The following SLC2A9 variants were observed in gnomAD, a reference collection of about 807,000 sequenced individuals.
The protein encoded by SLC2A9 is solute carrier family 2 member 9.
SLC2A9 carries 39 observed loss-of-function variants against 50.6 expected under a neutral mutation model. That is an observed-to-expected ratio of 0.77 (90% CI 0.60 to 1.01). SLC2A9 has a LOEUF of 1.01. Among genes scored for constraint, SLC2A9 ranks in the 50% least tolerant of loss-of-function variants. The pLI is 0.00. For synonymous variants in SLC2A9, 324 were observed against 276.9 expected (o/e 1.17, Z -1.69); for missense variants, 686 against 677.6 (o/e 1.01, Z -0.14).
chr4:9,843,151 G>C (rs1033394468), intron 10 of SLC2A9, among the ~76,000 whole-genome samples: 26 of 152,090 alleles, frequency 1.7e-4, no homozygotes, highest in African/African-American at 6.0e-4. Flanking sequence ...AGCTGGGGAA[G>C]TCCTCAAGCA....
intron 5 of SLC2A9, among the ~76,000 whole-genome samples, chr4:9,950,776 T>C (rs191894083): frequency 0.57 from 33,522 of 58,630 alleles, 13,522 homozygotes; most frequent in African/African-American, 0.87. Context: ...GCCTGTAGTC[T>C]CAGCTACTCG....
chr4:9,845,240 C>T (rs1282892814), intron 10 of SLC2A9, among the ~76,000 whole-genome samples: 2 of 151,834 alleles, frequency 1.3e-5, no homozygotes, highest in Non-Finnish European at 2.9e-5. Context: ...GTCTTGATCT[C>T]CTGACCTCGT....
chr4:10,025,232 A>G (rs1379589640), upstream of SLC2A9, among the ~76,000 whole-genome samples: 1 of 152,208 alleles, frequency 6.6e-6, no homozygotes, highest in Non-Finnish European at 1.5e-5. Context: ...CAGATAATCC[A>G]AGGTTTAAGA....
At chr4:9,773,784 C>T (rs1717156283) in intron 1 of SLC2A9, among the ~76,000 whole-genome samples, 1 of 152,168 alleles carries the variant, frequency 6.6e-6, no homozygotes, top group Admixed American at 6.5e-5. Flanking sequence ...TTCTGCTCAA[C>T]TCTTTGTGGG....
intron 6 of SLC2A9, among the ~76,000 whole-genome samples, chr4:9,933,933 C>T (rs976272197): frequency 1.3e-5 from 2 of 152,178 alleles, no homozygotes; most frequent in Non-Finnish European, 2.9e-5. Flanking sequence ...CTCTCTTTGC[C>T]TCCTTTTTCC....
chr4:9,867,710 A>T (rs1427500180), intron 10 of SLC2A9, among the ~76,000 whole-genome samples: 4 of 152,196 alleles, frequency 2.6e-5, no homozygotes, highest in Non-Finnish European at 5.9e-5. Flanking sequence ...AGAGCTGGGG[A>T]CACCGTGGAT....
chr4:9,774,145 C>T (rs1373301464), intron 1 of SLC2A9, among the ~76,000 whole-genome samples: 1 of 152,026 alleles, frequency 6.6e-6, no homozygotes, highest in Non-Finnish European at 1.5e-5. Flanking sequence ...AGGTGTCTGC[C>T]ACCTCACCCA....
chr4:9,814,484 T>C (rs1053061973), intron 3 of SLC2A9, among the ~76,000 whole-genome samples: 2 of 152,188 alleles, frequency 1.3e-5, no homozygotes, highest in African/African-American at 2.4e-5. Context: ...AGCCATCTAT[T>C]GCTGTTTAAC....
rs150391338 is a variant in SLC2A9 at position 9,840,248 on chromosome 4, A to C, written c.1292-5240T>G. 2.4e-4 allele frequency among the ~76,000 whole-genome samples: 36 copies of C among 152,304 alleles called. 1 individual carries two copies. In the East Asian group the frequency reaches 6.4e-3, roughly 27 times the overall value. ...ACTTGAAAAGAACTTAGCTATCTTC[A>C]TAGTTTTATCTGAATGCTCTCCCAA... On this transcript the variant is annotated intron_variant, in intron 10 of 11. Coordinates refer to ENST00000264784, the MANE Select transcript of SLC2A9 (RefSeq NM_020041.3).
rs1161368557 is a variant in SLC2A9 at position 9,826,230 on chromosome 4, T to A, written c.*167A>T. On this transcript the variant is annotated 3_prime_UTR_variant, in exon 12 of 12. Transcript: ENST00000264784. Reference sequence around the variant, plus strand: ...TGCTAACACAGTTGCAATGTTAGATTAGTACAGGTTTACTTTTAAATATTT... The same window carrying A: ...TGCTAACACAGTTGCAATGTTAGATAAGTACAGGTTTACTTTTAAATATTT... 4.5e-6 allele frequency: 3 copies of A among 669,156 alleles called. No homozygotes were observed. Among genetic ancestry groups the A allele is most frequent in the Non-Finnish European group, 7.7e-6 (3 of 388,804 alleles). The allele number at this position is 669,156 out of a possible 1,614,324, so 41.5% of individuals were successfully genotyped here. A position where few individuals can be genotyped will look rare whatever the true frequency, so the allele number is the denominator to read the frequency against.
intron 3 of SLC2A9, among the ~76,000 whole-genome samples, chr4:9,995,197 G>A (rs549785343): frequency 3.6e-4 from 55 of 152,268 alleles, no homozygotes; most frequent in Admixed American, 2.6e-3. Context: ...ACAAGAGAAT[G>A]TGTGAGTGGC....
intron 6 of SLC2A9, among the ~76,000 whole-genome samples, chr4:9,941,675 C>G (rs927017189): frequency 3.9e-5 from 6 of 152,230 alleles, no homozygotes; most frequent in African/African-American, 1.4e-4. Context: ...CTTGTCTGTT[C>G]TGGCTTTTCC....
downstream of SLC2A9, among the ~76,000 whole-genome samples, chr4:9,825,449 T>G (rs983549101): frequency 6.6e-6 from 1 of 152,182 alleles, no homozygotes; most frequent in South Asian, 2.1e-4. Context: ...CAGAGAAATC[T>G]CTTCTAGACT....
At chr4:9,845,993 A>G (rs1046211456) in intron 10 of SLC2A9, among the ~76,000 whole-genome samples, 13 of 152,330 alleles carry the variant, frequency 8.5e-5, no homozygotes, top group African/African-American at 2.9e-4. Flanking sequence ...GTCCTGTGCT[A>G]GGCAATTGCA....
At chr4:9,984,735 G>C (rs957478369) in intron 4 of SLC2A9, among the ~76,000 whole-genome samples, 17 of 152,264 alleles carry the variant, frequency 1.1e-4, no homozygotes, top group African/African-American at 4.1e-4. Flanking sequence ...CTTCTCTGCA[G>C]CTCCCCACCT....
At chr4:10,019,385 G>C (rs1331372180) in intron 1 of SLC2A9, 1 of 459,540 alleles carries the variant, frequency 2.2e-6, no homozygotes, top group Admixed American at 3.6e-5. Flanking sequence ...TCCTTTCAGC[G>C]AAGTTGGCGA....
chr4:9,833,327 G>C (rs1403777317), intron 11 of SLC2A9, among the ~76,000 whole-genome samples: 2 of 152,218 alleles, frequency 1.3e-5, no homozygotes, highest in East Asian at 3.8e-4. Context: ...GAAAGTTACA[G>C]GGTGTGGCAG....
chr4:9,980,597 C>A lies in SLC2A9; in HGVS notation c.676G>T (p.Gly226Ter), dbSNP rs780857708. The A allele has an allele frequency of 6.2e-7, 1 of 1,614,164 alleles. No homozygotes were observed. Among genetic ancestry groups the A allele is most frequent in the South Asian group, 1.1e-5 (1 of 91,076 alleles). Residue 226 changes from glycine (G) to a stop codon, truncating the protein, a stop_gained, in exon 5 of 12, where the codon GGA (glycine) becomes TGA (stop). Coordinates refer to ENST00000264784, the MANE Select transcript of SLC2A9 (RefSeq NM_020041.3). LOFTEE classifies it high-confidence loss of function. ...GQLLGLPELLGKESTWPYLFG... is the reference protein window; with the variant it reads ...GQLLGLPELL ...GACCAGGGAGCCACACTCACCTTTC[C>A]CAGCAGCTCGGGCAGGCCCAGAAGC... is the stretch of plus-strand genomic sequence containing the variant.
At chr4:10,003,787 G>A (rs1027212556) in intron 2 of SLC2A9, among the ~76,000 whole-genome samples, 2 of 152,174 alleles carry the variant, frequency 1.3e-5, no homozygotes, top group African/African-American at 4.8e-5. Context: ...ATAAGAATTC[G>A]TTTTGAGTTT....
Sources: allele counts gnomAD v4.1 joint callset (sites outside exome capture counted in the v4.1 genomes callset), GRCh38; gene constraint gnomAD v4.1.1; transcripts MANE v1.5; gene names NCBI Gene and HGNC (gene_info 2026-07-23, HGNC 2026-07-21).